USP33: variants seen among roughly 807,000 people sequenced by gnomAD.
USP33 encodes ubiquitin carboxyl-terminal hydrolase 33.
In USP33, 46 loss-of-function variants were observed where a neutral mutation model predicts 124.2. The ratio of observed to expected loss-of-function variants is 0.37; its 90% CI spans 0.29 to 0.47. The LOEUF (loss-of-function observed/expected upper bound fraction) is 0.47, where lower values mean the gene tolerates loss of function less well. USP33 is among the 20% of genes least tolerant of loss of function. USP33 has a pLI of 0.99. For synonymous variants in USP33, 350 were observed against 352.3 expected (o/e 0.99, Z 0.07); for missense variants, 851 against 1,070.6 (o/e 0.79, Z 2.86).
intron 1 of USP33, among the ~76,000 whole-genome samples, chr1:77,749,523 A>G (rs970566949): frequency 4.6e-5 from 7 of 152,048 alleles, no homozygotes; most frequent in Non-Finnish European, 5.9e-5. Flanking sequence ...CTGGGACTAC[A>G]GGCGTGTGCC....
chr1:77,746,049 A>C (rs1293793012), intron 1 of USP33, among the ~76,000 whole-genome samples: 1 of 151,620 alleles, frequency 6.6e-6, no homozygotes, highest in African/African-American at 2.4e-5. Context: ...AACTGAAGGA[A>C]ATAGAGACAC....
intron 10 of USP33, among the ~76,000 whole-genome samples, chr1:77,727,464 A>C (rs1314551731): frequency 2.0e-5 from 3 of 152,244 alleles, no homozygotes; most frequent in African/African-American, 7.2e-5. Flanking sequence ...GATCAGTATA[A>C]TTAAGGAGCC....
At chr1:77,741,867 G>A (rs1679157245) in intron 1 of USP33, 119 bp from the exon 2 acceptor site, 2 of 987,416 alleles carry the variant, frequency 2.0e-6, no homozygotes, top group South Asian at 5.0e-5. Context: ...GATAACATAA[G>A]AATGATATAA....
chr1:77,726,795 T>C (rs973337071), intron 10 of USP33, among the ~76,000 whole-genome samples: 3 of 152,198 alleles, frequency 2.0e-5, no homozygotes, highest in African/African-American at 7.2e-5. Context: ...TATCTTACTA[T>C]AATAAAAAAT....
Position 77,714,965 on chromosome 1 carries a change from C to T in USP33, c.2046-182G>A, listed in dbSNP as rs1570758520. On this transcript the variant is annotated intron_variant, in intron 18 of 23. Transcript: ENST00000370794. ...ACATTATATACTCATAGGGATGAAA[C>T]TGTATCTTACCTACAGGTATCCACA... The T allele has an allele frequency of 5.2e-6, 3 of 580,872 alleles. No homozygotes were observed. In the East Asian group the frequency reaches 9.4e-5, roughly 18 times the overall value. 36.0% of individuals were successfully genotyped at this position (580,872 alleles called of 1,614,324 possible).
In USP33 at chr1:77,723,453, A is replaced by G. The variant is rs772777344; in HGVS notation, c.1277-10T>C. ...GGAGATGCAGACTGAGCTAGGATTG[A>G]AAAACATTAAAAAAAAATCAAAGCA... On this transcript the variant is annotated splice_polypyrimidine_tract_variant and intron_variant, in intron 11 of 23. Coordinates refer to ENST00000370794, the MANE Select transcript of USP33 (RefSeq NM_201624.3). 1.3e-6 allele frequency: 2 copies of G among 1,546,450 alleles called. No homozygotes were observed. The highest frequency in any genetic ancestry group is 8.8e-7 in the Non-Finnish European group (1 of 1,137,886).
rs1368009108 is a variant in USP33 at position 77,698,059 on chromosome 1, T to C, written c.2510-128A>G. ...TGGTTATTTCTCAGGCAAATTATTA[T>C]AGTTAATTCTTTTTTTTTTTTTTTG... On this transcript the variant is annotated intron_variant, in intron 22 of 23. Coordinates refer to ENST00000370794, the MANE Select transcript of USP33 (RefSeq NM_201624.3). 6 of 674,888 alleles carry C rather than the reference T, an allele frequency of 8.9e-6. No individual in the cohort carries two copies. In the African/African-American group the frequency reaches 1.1e-4, roughly 13 times the overall value. 41.8% of individuals were successfully genotyped at this position (674,888 alleles called of 1,614,324 possible).
chr1:77,756,968 G>A (rs1195961834), intron 1 of USP33, among the ~76,000 whole-genome samples: 2 of 152,204 alleles, frequency 1.3e-5, no homozygotes, highest in African/African-American at 2.4e-5. Context: ...CACCTTCAGT[G>A]AAGTCTTTCA....
chr1:77,712,225 T>C (rs1376647575), intron 20 of USP33, among the ~76,000 whole-genome samples: 2 of 152,208 alleles, frequency 1.3e-5, no homozygotes, highest in Non-Finnish European at 2.9e-5. Flanking sequence ...GTAAGAAGCA[T>C]TCAATGTATG....
intron 1 of USP33, among the ~76,000 whole-genome samples, chr1:77,750,449 A>G (rs1032495659): frequency 2.6e-5 from 4 of 152,116 alleles, no homozygotes; most frequent in Admixed American, 1.3e-4. Context: ...CCTGGGCAAC[A>G]TGGTGAAACC....
At chr1:77,734,280 A>C in intron 7 of USP33, 67 bp downstream of exon 7, 1 of 1,257,500 alleles carries the variant, frequency 8.0e-7, no homozygotes, top group Non-Finnish European at 1.1e-6. Context: ...TATAGTTGCA[A>C]GGTTTTCTGC....
chr1:77,752,671 G>A (rs1680444603), intron 1 of USP33, among the ~76,000 whole-genome samples: 1 of 152,130 alleles, frequency 6.6e-6, no homozygotes, highest in Non-Finnish European at 1.5e-5. Context: ...TGTCAGAACT[G>A]CTCAATATTT....
chr1:77,699,364 T>C (rs962128228), intron 22 of USP33, among the ~76,000 whole-genome samples: 1 of 151,910 alleles, frequency 6.6e-6, no homozygotes, highest in African/African-American at 2.4e-5. Flanking sequence ...CTACTAAAAA[T>C]AGAAAAATTA....
intron 12 of USP33, 162 bp from the exon 13 acceptor site, chr1:77,722,358 CA>C (rs951911977): frequency 0.037 from 15,748 of 430,144 alleles, no homozygotes; most frequent in South Asian, 0.056. Context: ...GTCATAATAG[CA>C]AAAAAAAAAA....
intron 21 of USP33, among the ~76,000 whole-genome samples, chr1:77,710,091 A>ATCGC (rs1313904883): frequency 6.6e-6 from 1 of 152,118 alleles, no homozygotes; most frequent in Non-Finnish European, 1.5e-5. Flanking sequence ...TATGGAACCA[A>ATCGC]TCGCTCACTG....
intron 15 of USP33, chr1:77,720,477 A>C: frequency 1.0e-6 from 1 of 985,400 alleles, no homozygotes; most frequent in Non-Finnish European, 1.2e-6. Context: ...ATAGTATACC[A>C]TTCCTTTCTG....
At chr1:77,743,044 G>C (rs373114308) in intron 1 of USP33, among the ~76,000 whole-genome samples, 10 of 152,056 alleles carry the variant, frequency 6.6e-5, no homozygotes, top group African/African-American at 1.9e-4. Context: ...CCAGGTTCAA[G>C]TGATTCTCCT....
intron 1 of USP33, among the ~76,000 whole-genome samples, chr1:77,753,650 T>C (rs141599004): frequency 4.6e-5 from 7 of 151,816 alleles, no homozygotes; most frequent in African/African-American, 1.7e-4. Flanking sequence ...GTACTAAGAG[T>C]AAAGTTTCTG....
At chr1:77,726,959 AAAGAG>A (rs1241483017) in intron 10 of USP33, among the ~76,000 whole-genome samples, 1 of 152,206 alleles carries the variant, frequency 6.6e-6, no homozygotes, top group Non-Finnish European at 1.5e-5. Context: ...TGAGTGAAGA[AAAGAG>A]AATTGTTCGT....
Sources: gnomAD v4.1 joint callset for allele counts (sites outside exome capture counted in the v4.1 genomes callset) on GRCh38, gnomAD v4.1.1 for gene constraint, MANE v1.5 for transcripts, NCBI Gene and HGNC (gene_info 2026-07-23, HGNC 2026-07-21) for gene names.